The following MALRD1 variants were observed in gnomAD, a reference collection of about 807,000 sequenced individuals.
MALRD1 encodes the protein MAM and LDL receptor class A domain containing 1.
Under a neutral mutation model 242.1 loss-of-function variants are expected in MALRD1, and 247 were observed. The ratio of observed to expected loss-of-function variants is 1.02; its 90% CI spans 0.92 to 1.13. The LOEUF (loss-of-function observed/expected upper bound fraction) is 1.13, where lower values mean the gene tolerates loss of function less well. Among genes scored for constraint, MALRD1 ranks in the 50% most tolerant of loss-of-function variants. MALRD1 has a pLI of 0.00. For synonymous variants in MALRD1, 995 were observed against 866.6 expected (o/e 1.15, Z -2.60); for missense variants, 2,989 against 2,533.1 (o/e 1.18, Z -3.86).
At chr10:19,052,093 G>A (rs1834525158) in intron 1 of MALRD1, 1 of 447,762 alleles carries the variant, frequency 2.2e-6, no homozygotes, top group Admixed American at 2.7e-5. Context: ...GCCATGTCAG[G>A]GCTAGCAAAA....
intron 24 of MALRD1, among the ~76,000 whole-genome samples, chr10:19,341,766 T>A (rs986480664): frequency 6.6e-6 from 1 of 152,142 alleles, no homozygotes; most frequent in South Asian, 2.1e-4. Flanking sequence ...CGATATGCGA[T>A]GTAACTGAAG....
intron 24 of MALRD1, among the ~76,000 whole-genome samples, chr10:19,341,831 C>G (rs556406552): frequency 6.6e-6 from 1 of 151,936 alleles, no homozygotes; most frequent in Non-Finnish European, 1.5e-5. Flanking sequence ...AACCCAGCCC[C>G]TTTTATTTCA....
chr10:19,640,489 T>C (rs980934536), intron 36 of MALRD1, among the ~76,000 whole-genome samples: 1 of 126,652 alleles, frequency 7.9e-6, no homozygotes, highest in African/African-American at 2.7e-5. Flanking sequence ...GAAGAAAGTA[T>C]GTTTTAATTT....
At chr10:19,474,861 AG>A in intron 29 of MALRD1, among the ~76,000 whole-genome samples, 1 of 152,262 alleles carries the variant, frequency 6.6e-6, no homozygotes, top group East Asian at 1.9e-4. Context: ...AGGGTGTAAC[AG>A]GGCAGGAAAT....
intron 27 of MALRD1, among the ~76,000 whole-genome samples, chr10:19,388,500 T>G (rs1378337033): frequency 6.6e-6 from 1 of 152,210 alleles, no homozygotes; most frequent in East Asian, 1.9e-4. Flanking sequence ...AGCAAGTCAT[T>G]TAAATTTCAG....
At chr10:19,585,978 A>T (rs1249167008) in intron 33 of MALRD1, among the ~76,000 whole-genome samples, 1 of 151,980 alleles carries the variant, frequency 6.6e-6, no homozygotes, top group Non-Finnish European at 1.5e-5. Flanking sequence ...CATTCATTTC[A>T]TCTTCCATCG....
At chr10:19,274,944 AAAAACAATTAG>A (rs1840437338) in intron 19 of MALRD1, among the ~76,000 whole-genome samples, 1 of 152,196 alleles carries the variant, frequency 6.6e-6, no homozygotes, top group Non-Finnish European at 1.5e-5. Flanking sequence ...TTACCACAAT[AAAAACAATTAG>A]AAAACAAACA....
intron 36 of MALRD1, among the ~76,000 whole-genome samples, chr10:19,651,049 C>G (rs1324348376): frequency 3.9e-5 from 6 of 152,326 alleles, no homozygotes; most frequent in Non-Finnish European, 7.4e-5. Flanking sequence ...GGTCTCTGTT[C>G]TTGACCCAAA....
intron 24 of MALRD1, among the ~76,000 whole-genome samples, chr10:19,334,040 G>T (rs761951397): frequency 1.3e-5 from 2 of 149,198 alleles, no homozygotes; most frequent in Non-Finnish European, 1.5e-5. Context: ...ATTCAGGAAA[G>T]TAGACCTTTG....
At chr10:19,284,358 G>T (rs1327268196) in intron 21 of MALRD1, among the ~76,000 whole-genome samples, 1 of 148,344 alleles carries the variant, frequency 6.7e-6, no homozygotes, top group Non-Finnish European at 1.5e-5. Flanking sequence ...CCACTAACTC[G>T]TCATCTAGCA....
intron 9 of MALRD1, 74 bp from the exon 10 acceptor site, chr10:19,136,500 T>C: frequency 1.2e-6 from 1 of 863,336 alleles, no homozygotes; most frequent in Non-Finnish European, 1.5e-6. Context: ...TACTTTGTCT[T>C]TATCAACCTT....
At chr10:19,286,601 T>C (rs948775390) in intron 21 of MALRD1, among the ~76,000 whole-genome samples, 3 of 151,748 alleles carry the variant, frequency 2.0e-5, no homozygotes, top group Non-Finnish European at 4.4e-5. Flanking sequence ...ACACATACAC[T>C]CTCCCAAGAC....
chr10:19,144,540 A>G (rs1833664740), intron 10 of MALRD1, among the ~76,000 whole-genome samples: 1 of 152,230 alleles, frequency 6.6e-6, no homozygotes, highest in South Asian at 2.1e-4. Context: ...AGAGACTTGA[A>G]GATGCTTTGA....
chr10:19,730,597 G>C (rs1262840807), intron 38 of MALRD1, 109 bp from the exon 39 acceptor site: 1 of 1,098,102 alleles, frequency 9.1e-7, no homozygotes, highest in South Asian at 1.3e-5. Context: ...AAATAAGTGT[G>C]CTGGCTAGAC....
At chr10:19,288,076 T>C (rs889159362) in intron 21 of MALRD1, among the ~76,000 whole-genome samples, 1 of 152,000 alleles carries the variant, frequency 6.6e-6, no homozygotes, top group Non-Finnish European at 1.5e-5. Context: ...TTTTTTTTAT[T>C]AGTTTTAATT....
intron 26 of MALRD1, among the ~76,000 whole-genome samples, chr10:19,371,371 G>A (rs879529977): frequency 4.6e-5 from 7 of 152,176 alleles, no homozygotes; most frequent in African/African-American, 1.7e-4. Flanking sequence ...TTATCAGTAT[G>A]AGGAAGTTTC....
chr10:19,247,990 G>A (rs966568683), intron 18 of MALRD1, among the ~76,000 whole-genome samples: 2 of 152,030 alleles, frequency 1.3e-5, no homozygotes, highest in South Asian at 4.1e-4. Context: ...TACAGAAACA[G>A]CTTGATTGGT....
chr10:19,234,455 A>G (rs1838212607), intron 18 of MALRD1, among the ~76,000 whole-genome samples: 1 of 152,090 alleles, frequency 6.6e-6, no homozygotes. Context: ...GAACAAATCT[A>G]CTCTAATAGA....
chr10:19,706,151 G>A (rs1387895680), intron 38 of MALRD1, among the ~76,000 whole-genome samples: 1 of 152,118 alleles, frequency 6.6e-6, no homozygotes, highest in African/African-American at 2.4e-5. Flanking sequence ...CGGAAAGGGA[G>A]TTCAAGAAAA....
Sources: gnomAD v4.1 joint callset for allele counts (sites outside exome capture counted in the v4.1 genomes callset) on GRCh38, gnomAD v4.1.1 for gene constraint, MANE v1.5 for transcripts, NCBI Gene and HGNC (gene_info 2026-07-23, HGNC 2026-07-21) for gene names.